The following PDE4B variants were observed in gnomAD, a reference collection of about 807,000 sequenced individuals.
PDE4B encodes the protein phosphodiesterase 4B.
Under a neutral mutation model 82.2 loss-of-function variants are expected in PDE4B, and 20 were observed. The observed-to-expected ratio is 0.24, with a 90% CI of 0.17 to 0.35. The LOEUF (loss-of-function observed/expected upper bound fraction) is 0.35, where lower values mean the gene tolerates loss of function less well. Among genes scored for constraint, PDE4B ranks in the 10% least tolerant of loss-of-function variants. PDE4B has a pLI of 1.00. For missense variants in PDE4B, 655 were observed against 907.2 expected (o/e 0.72, Z 3.57); for synonymous variants, 320 against 318.9 (o/e 1.00, Z -0.04).
chr1:65,805,782 T>G (rs1264805253), intron 1 of PDE4B, among the ~76,000 whole-genome samples: 1 of 152,182 alleles, frequency 6.6e-6, no homozygotes, highest in Non-Finnish European at 1.5e-5. Context: ...GAAGGCATAT[T>G]TCCATGTCTG....
At chr1:66,138,407 T>C (rs184222830) in intron 3 of PDE4B, among the ~76,000 whole-genome samples, 3 of 152,232 alleles carry the variant, frequency 2.0e-5, no homozygotes, top group Non-Finnish European at 4.4e-5. Context: ...TAATCCCAGC[T>C]ACTTGGGAGG....
chr1:66,013,498 A>G (rs1199178286), intron 3 of PDE4B, among the ~76,000 whole-genome samples: 1 of 152,104 alleles, frequency 6.6e-6, no homozygotes, highest in East Asian at 1.9e-4. Flanking sequence ...GTGAAACACA[A>G]CCCAAAATTT....
At chr1:66,256,490 A>C (rs890513970) in intron 4 of PDE4B, among the ~76,000 whole-genome samples, 2 of 152,174 alleles carry the variant, frequency 1.3e-5, no homozygotes, top group African/African-American at 4.8e-5. Context: ...TTTTATTGTC[A>C]CTGTACAGAG....
intron 7 of PDE4B, among the ~76,000 whole-genome samples, chr1:66,314,553 C>T (rs545871497): frequency 1.3e-5 from 2 of 152,260 alleles, no homozygotes; most frequent in African/African-American, 4.8e-5. Flanking sequence ...GCCGGGATTA[C>T]AGGAACCCAC....
intron 3 of PDE4B, among the ~76,000 whole-genome samples, chr1:66,188,908 T>A (rs1647457531): frequency 6.6e-6 from 1 of 152,212 alleles, no homozygotes; most frequent in African/African-American, 2.4e-5. Context: ...GCTCATTAGT[T>A]GACGCAGTTT....
intron 3 of PDE4B, among the ~76,000 whole-genome samples, chr1:66,228,448 C>T (rs1407798897): frequency 6.6e-6 from 1 of 152,014 alleles, no homozygotes; most frequent in Non-Finnish European, 1.5e-5. Context: ...CACAGTGAAA[C>T]CCCATCTCTA....
chr1:66,037,217 T>C (rs190792072), intron 3 of PDE4B, among the ~76,000 whole-genome samples: 187 of 152,166 alleles, frequency 1.2e-3, no homozygotes, highest in Middle Eastern at 6.8e-3. Context: ...AAACTGTAGG[T>C]CACTTTGGGT....
At chr1:66,319,686 T>A (rs1659266134) in intron 7 of PDE4B, among the ~76,000 whole-genome samples, 1 of 152,188 alleles carries the variant, frequency 6.6e-6, no homozygotes, top group Admixed American at 6.5e-5. Flanking sequence ...GAAAATTCCC[T>A]GAGCTTCATC....
chr1:66,315,239 G>T (rs1658947824), intron 7 of PDE4B, among the ~76,000 whole-genome samples: 1 of 152,110 alleles, frequency 6.6e-6, no homozygotes, highest in Non-Finnish European at 1.5e-5. Flanking sequence ...ATCCCCTTAG[G>T]GTCTTTCAGT....
chr1:66,058,415 G>A (rs1655414602), intron 3 of PDE4B, among the ~76,000 whole-genome samples: 1 of 152,222 alleles, frequency 6.6e-6, no homozygotes, highest in Non-Finnish European at 1.5e-5. Context: ...GCTCCAATAG[G>A]CAGTGCCCCA....
At chr1:66,257,295 C>T (rs999720794) in intron 4 of PDE4B, 9 of 393,306 alleles carry the variant, frequency 2.3e-5, no homozygotes, top group African/African-American at 4.1e-5. Context: ...GTGAGCAGCC[C>T]TCCCTTTGAA....
intron 3 of PDE4B, among the ~76,000 whole-genome samples, chr1:65,929,795 T>G (rs966986193): frequency 6.6e-6 from 1 of 152,174 alleles, no homozygotes; most frequent in African/African-American, 2.4e-5. Flanking sequence ...TCAAATGCAT[T>G]TATTTTGTAT....
At chr1:66,252,407 A>G (rs948981319) in intron 4 of PDE4B, among the ~76,000 whole-genome samples, 1 of 152,224 alleles carries the variant, frequency 6.6e-6, no homozygotes, top group African/African-American at 2.4e-5. Flanking sequence ...TCCTAAGTTG[A>G]AAATGCATTT....
chr1:66,354,841 TC>T, intron 8 of PDE4B: 4 of 1,535,708 alleles, frequency 2.6e-6, no homozygotes, highest in Non-Finnish European at 3.5e-6. Context: ...AGGAGAGCAT[TC>T]CAAAATGCCT....
chr1:65,817,781 ATAAT>A (rs1645903688), intron 1 of PDE4B, among the ~76,000 whole-genome samples: 1 of 152,196 alleles, frequency 6.6e-6, no homozygotes, highest in Admixed American at 6.5e-5. Flanking sequence ...ATTATGTATA[ATAAT>A]TTATAATCTC....
intron 3 of PDE4B, among the ~76,000 whole-genome samples, chr1:66,036,696 A>G (rs1233761682): frequency 6.6e-6 from 1 of 152,148 alleles, no homozygotes; most frequent in Non-Finnish European, 1.5e-5. Context: ...TTTTACGCCA[A>G]TATCATGCTG....
chr1:66,282,537 G>C (rs1290403311), intron 7 of PDE4B, among the ~76,000 whole-genome samples: 9 of 152,160 alleles, frequency 5.9e-5, no homozygotes, highest in Admixed American at 5.9e-4. Context: ...ACTCTAGGCT[G>C]GCTCTGGAAA....
intron 3 of PDE4B, among the ~76,000 whole-genome samples, chr1:66,224,202 G>C (rs1651237246): frequency 6.6e-6 from 1 of 152,028 alleles, no homozygotes; most frequent in Non-Finnish European, 1.5e-5. Flanking sequence ...CCAGCTCATA[G>C]ACTCTGCCAC....
intron 1 of PDE4B, among the ~76,000 whole-genome samples, chr1:65,839,254 AT>A (rs1218379862): frequency 0.016 from 2,281 of 145,546 alleles, 49 homozygotes; most frequent in African/African-American, 0.05. Flanking sequence ...AATACCAATG[AT>A]TTTTTTTTTT....
Sources: allele counts gnomAD v4.1 joint callset (sites outside exome capture counted in the v4.1 genomes callset), GRCh38; gene constraint gnomAD v4.1.1; transcripts MANE v1.5; gene names NCBI Gene and HGNC (gene_info 2026-07-23, HGNC 2026-07-21).